The following ATRNL1 variants were observed in gnomAD, a reference collection of about 807,000 sequenced individuals.
The protein encoded by ATRNL1 is attractin like 1, also known as attractin-like protein 1.
ATRNL1 carries 95 observed loss-of-function variants against 182.7 expected under a neutral mutation model. The observed-to-expected ratio is 0.52, with a 90% confidence interval of 0.44 to 0.62. The LOEUF (loss-of-function observed/expected upper bound fraction) is 0.62, where lower values mean the gene tolerates loss of function less well. ATRNL1 is among the 20% of genes least tolerant of loss of function. The pLI is 0.00. For synonymous variants in ATRNL1, 576 were observed against 568.3 expected (o/e 1.01, Z -0.19); for missense variants, 1,471 against 1,679.5 (o/e 0.88, Z 2.17).
chr10:115,137,538 T>C (rs1006534718), intron 5 of ATRNL1, among the ~76,000 whole-genome samples: 5 of 152,186 alleles, frequency 3.3e-5, no homozygotes, highest in Non-Finnish European at 7.3e-5. Flanking sequence ...CTCACAATCA[T>C]GGCACAAGGT....
At chr10:115,174,824 C>T (rs1554886402) in intron 8 of ATRNL1, among the ~76,000 whole-genome samples, 1 of 151,838 alleles carries the variant, frequency 6.6e-6, no homozygotes, top group Non-Finnish European at 1.5e-5. Flanking sequence ...GCCCTAGTAA[C>T]CCTGATCCAA....
At chr10:115,192,515 C>A (rs1373153969) in intron 8 of ATRNL1, among the ~76,000 whole-genome samples, 1 of 151,924 alleles carries the variant, frequency 6.6e-6, no homozygotes, top group Non-Finnish European at 1.5e-5. Flanking sequence ...AATATAATTT[C>A]AAGTCTGGTA....
intron 9 of ATRNL1, among the ~76,000 whole-genome samples, chr10:115,236,637 A>G (rs951559396): frequency 6.6e-6 from 1 of 152,146 alleles, no homozygotes; most frequent in Non-Finnish European, 1.5e-5. Context: ...AAATGAGCAG[A>G]AAGTACAGAA....
intron 19 of ATRNL1, among the ~76,000 whole-genome samples, chr10:115,363,398 A>T (rs1406935378): frequency 3.4e-5 from 5 of 145,368 alleles, no homozygotes; most frequent in African/African-American, 1.0e-4. Context: ...GTTTGAGTTC[A>T]TTGTAGATTC....
chr10:115,714,645 C>T (rs1264947790), intron 26 of ATRNL1, among the ~76,000 whole-genome samples: 1 of 152,014 alleles, frequency 6.6e-6, no homozygotes. Context: ...TATCAGAGAC[C>T]CCAACAGTTC....
At chr10:115,470,909 TTTAAA>T (rs1269332795) in intron 24 of ATRNL1, among the ~76,000 whole-genome samples, 3 of 150,780 alleles carry the variant, frequency 2.0e-5, no homozygotes, top group Non-Finnish European at 4.5e-5. Context: ...TAGAATAAAC[TTTAAA>T]TTATAATATT....
chr10:115,476,340 A>G (rs1848529441), intron 24 of ATRNL1, among the ~76,000 whole-genome samples: 2 of 151,434 alleles, frequency 1.3e-5, no homozygotes, highest in Non-Finnish European at 1.5e-5. Context: ...TATTTTGCAG[A>G]AAATTCATGT....
At chr10:115,619,669 T>C (rs1311228884) in intron 26 of ATRNL1, among the ~76,000 whole-genome samples, 2 of 152,386 alleles carry the variant, frequency 1.3e-5, no homozygotes, top group Non-Finnish European at 2.9e-5. Context: ...TTCAGTATCT[T>C]ATCTCATTTG....
chr10:115,783,617 A>G (rs113958454), intron 27 of ATRNL1, among the ~76,000 whole-genome samples: 2 of 152,188 alleles, frequency 1.3e-5, no homozygotes, highest in African/African-American at 2.4e-5. Flanking sequence ...ATTCAAATAT[A>G]ATGTCATTTA....
Position 115,521,845 on chromosome 10 carries a change from A to G in ATRNL1, c.3716+2521A>G, listed in dbSNP as rs74620509. 1.6e-3 allele frequency among the ~76,000 whole-genome samples: 248 copies of G among 152,336 alleles called. 2 individuals are homozygous for G. Among genetic ancestry groups the G allele is most frequent in the African/African-American group, 5.7e-3 (236 of 41,590 alleles). On this transcript the variant is annotated intron_variant, in intron 25 of 28. Transcript: ENST00000355044. Reference sequence around the variant, plus strand: ...GAAAAATATGGACAGGATATTTTGAAGCTTATCAATTATTAAGTTTTATAA... The same window carrying G: ...GAAAAATATGGACAGGATATTTTGAGGCTTATCAATTATTAAGTTTTATAA...
At chr10:115,791,179 A>G (rs1555081722) in intron 27 of ATRNL1, among the ~76,000 whole-genome samples, 1 of 152,066 alleles carries the variant, frequency 6.6e-6, no homozygotes, top group African/African-American at 2.4e-5. Context: ...CTCAAATGTC[A>G]CCTTTTCAGT....
At chr10:115,234,568 G>A (rs1332539802) in intron 9 of ATRNL1, among the ~76,000 whole-genome samples, 2 of 149,718 alleles carry the variant, frequency 1.3e-5, no homozygotes, top group Non-Finnish European at 3.0e-5. Flanking sequence ...CATTAAAATT[G>A]CTAGATTCGA....
intron 27 of ATRNL1, among the ~76,000 whole-genome samples, chr10:115,831,998 T>G (rs1950571872): frequency 6.6e-6 from 1 of 152,194 alleles, no homozygotes; most frequent in Non-Finnish European, 1.5e-5. Context: ...TCTGAAGTGA[T>G]CTCAGAAAAT....
chr10:115,109,698 C>A (rs1400195807), intron 1 of ATRNL1, among the ~76,000 whole-genome samples: 2 of 152,114 alleles, frequency 1.3e-5, no homozygotes. Flanking sequence ...ATATCTCTTT[C>A]CTCCTTTCTG....
At chr10:115,723,694 A>G (rs934218858) in intron 26 of ATRNL1, among the ~76,000 whole-genome samples, 4 of 151,984 alleles carry the variant, frequency 2.6e-5, no homozygotes, top group Non-Finnish European at 4.4e-5. Flanking sequence ...GATTACAGGC[A>G]TGTGCCACCA....
At chr10:115,163,182 C>T (rs1846877907) in intron 6 of ATRNL1, among the ~76,000 whole-genome samples, 1 of 151,430 alleles carries the variant, frequency 6.6e-6, no homozygotes, top group Non-Finnish European at 1.5e-5. Context: ...GGAAAGAGAT[C>T]TCGTGTGCAA....
At chr10:115,280,339 G>C (rs1852303070) in intron 13 of ATRNL1, among the ~76,000 whole-genome samples, 1 of 152,086 alleles carries the variant, frequency 6.6e-6, no homozygotes. Flanking sequence ...AAAAGCTATT[G>C]ATTATGAAAT....
intron 28 of ATRNL1, among the ~76,000 whole-genome samples, chr10:115,914,953 GA>G (rs1952798939): frequency 1.3e-5 from 2 of 152,020 alleles, no homozygotes; most frequent in Non-Finnish European, 2.9e-5. Context: ...AAAGTATTTG[GA>G]AAAAAACTAG....
chr10:115,311,089 G>C (rs1013364677), intron 17 of ATRNL1, among the ~76,000 whole-genome samples: 4 of 151,520 alleles, frequency 2.6e-5, no homozygotes, highest in Admixed American at 6.6e-5. Flanking sequence ...GGAGCAGATT[G>C]TTAAATTTTC....
Sources: allele counts gnomAD v4.1 joint callset (sites outside exome capture counted in the v4.1 genomes callset), GRCh38; gene constraint gnomAD v4.1.1; transcripts MANE v1.5; gene names NCBI Gene and HGNC (gene_info 2026-07-23, HGNC 2026-07-21).